GNA14: variants seen among roughly 807,000 people sequenced by gnomAD.
The protein encoded by GNA14 is guanine nucleotide-binding protein subunit alpha-14.
A neutral mutation model predicts 42.0 loss-of-function variants in GNA14; 50 were observed. The observed-to-expected ratio is 1.19, with a 90% CI of 0.95 to 1.51. The LOEUF is 1.51. GNA14 is among the 40% of genes most tolerant of loss of function. The pLI is 0.00. For synonymous variants in GNA14, 173 were observed against 163.1 expected, an observed-to-expected ratio of 1.06 and a Z score of -0.46; for missense variants, 473 against 446.2, an observed-to-expected ratio of 1.06 and a Z score of -0.54.
rs76564069 is a variant in GNA14, at chr9:77,617,475, C to T, written c.124+30195G>A. ...TCAAATCTAACCAATTTGATCAACC[C>T]CCTTCACTTTTATGCTAGTCCAAGT... On this transcript the variant is annotated intron_variant, in intron 1 of 6. Transcript: ENST00000341700. Among the ~76,000 whole-genome samples, 372 of 152,220 alleles carry T rather than the reference C, an allele frequency of 2.4e-3. 2 individuals are homozygous for T. The highest frequency in any genetic ancestry group is 8.5e-3 in the African/African-American group (353 of 41,556).
chr9:77,611,416 T>C (rs1312078977), intron 1 of GNA14, among the ~76,000 whole-genome samples: 5 of 152,230 alleles, frequency 3.3e-5, no homozygotes. Context: ...AAATCTTTTA[T>C]AGTGGGCAGT....
intron 1 of GNA14, among the ~76,000 whole-genome samples, chr9:77,546,254 G>T (rs918101137): frequency 7.0e-6 from 1 of 141,980 alleles, no homozygotes; most frequent in Non-Finnish European, 1.5e-5. Context: ...TATCTAATCC[G>T]CACTCCTTAT....
At chr9:77,600,789 T>C (rs757382928) in intron 1 of GNA14, among the ~76,000 whole-genome samples, 20 of 152,088 alleles carry the variant, frequency 1.3e-4, no homozygotes, top group Non-Finnish European at 2.1e-4. Flanking sequence ...CATGGTGGCG[T>C]GTGCTTGTAA....
chr9:77,490,136 C>T (rs549333482), intron 2 of GNA14, among the ~76,000 whole-genome samples: 1 of 152,330 alleles, frequency 6.6e-6, no homozygotes, highest in African/African-American at 2.4e-5. Flanking sequence ...GGTGTATTTA[C>T]AATCCCTGAG....
At chr9:77,555,951 A>T (rs1036661420) in intron 1 of GNA14, among the ~76,000 whole-genome samples, 5 of 152,206 alleles carry the variant, frequency 3.3e-5, no homozygotes, top group African/African-American at 1.2e-4. Context: ...ATTTATTTGA[A>T]AGCACACATA....
chr9:77,618,624 T>A (rs1220749367), intron 1 of GNA14, among the ~76,000 whole-genome samples: 47 of 27,956 alleles, frequency 1.7e-3, no homozygotes, highest in African/African-American at 7.9e-3. Context: ...ATATATATTT[T>A]TTTTTTTTTT....
rs138078576 is a variant in GNA14, at chr9:77,558,573, C to A, written c.125-29320G>T. Among the ~76,000 whole-genome samples the A allele has an allele frequency of 8.9e-3, 1,352 of 152,190 alleles. 7 individuals are homozygous for A. Among genetic ancestry groups the A allele is most frequent in the Non-Finnish European group, 0.015 (1,022 of 67,994 alleles). On this transcript the variant is annotated intron_variant, in intron 1 of 6. Coordinates refer to ENST00000341700, the MANE Select transcript of GNA14 (RefSeq NM_004297.4). ...AGGGAGATTTACGGGGCTCCCAGAT[C>A]GTACATCTAACCACAATGACAGCAA...
rs67044542 is a variant in GNA14, at chr9:77,603,956, C to CAAAAAAAAAAAAAA, written c.124+43700_124+43713dup. Among the ~76,000 whole-genome samples the CAAAAAAAAAAAAAA allele has an allele frequency of 7.0e-3, 569 of 81,614 alleles. 1 individual carries two copies. Among genetic ancestry groups the CAAAAAAAAAAAAAA allele is most frequent in the Admixed American group, 7.8e-3 (42 of 5,408 alleles). 53.5% of individuals were successfully genotyped at this position (81,614 alleles called of 152,430 possible). On this transcript the variant is annotated intron_variant, in intron 1 of 6. Transcript: ENST00000341700. The stretch of plus-strand genomic sequence containing the variant: ...AAGACTCCATCTCAAAAAAAAAAAA[C>CAAAAAAAAAAAAAA]AAAAAAAAAAAAAAAAAAAAAAAAA...
chr9:77,532,204 T>C (rs1587820144), intron 1 of GNA14, among the ~76,000 whole-genome samples: 1 of 152,202 alleles, frequency 6.6e-6, no homozygotes, highest in African/African-American at 2.4e-5. Flanking sequence ...TGTCGTGGCC[T>C]GGGTCCAAAT....
rs1382364487 is a variant in GNA14, at chr9:77,473,151, T to G, written c.310-38629A>C. On this transcript the variant is annotated intron_variant, in intron 2 of 6. Coordinates refer to ENST00000341700, the MANE Select transcript of GNA14 (RefSeq NM_004297.4). ...GTACAATGAAAACTACAAACAATTGTTGGAAGAAATTAAAGAAGACTGTGC... is the reference window on the plus strand; with the variant it reads ...GTACAATGAAAACTACAAACAATTGGTGGAAGAAATTAAAGAAGACTGTGC... 3.9e-5 allele frequency among the ~76,000 whole-genome samples: 6 copies of G among 151,980 alleles called. 1 individual carries two copies. Among genetic ancestry groups the G allele is most frequent in the African/African-American group, 1.5e-4 (6 of 41,364 alleles).
chr9:77,550,453 T>A (rs1388980081), intron 1 of GNA14, among the ~76,000 whole-genome samples: 1 of 152,202 alleles, frequency 6.6e-6, no homozygotes, highest in Non-Finnish European at 1.5e-5. Flanking sequence ...AAGATTCCTC[T>A]GAGTTAGCCA....
intron 1 of GNA14, among the ~76,000 whole-genome samples, chr9:77,640,346 G>A (rs1224474799): frequency 6.6e-6 from 1 of 152,054 alleles, no homozygotes; most frequent in Non-Finnish European, 1.5e-5. Flanking sequence ...ATAATTCACT[G>A]AAAATCCCTC....
intron 1 of GNA14, among the ~76,000 whole-genome samples, chr9:77,543,227 C>T (rs1474498197): frequency 6.6e-6 from 1 of 152,182 alleles, no homozygotes; most frequent in Non-Finnish European, 1.5e-5. Flanking sequence ...AGGCTGGTGC[C>T]CACTGTGGGC....
chr9:77,530,244 T>A (rs2131769063), intron 1 of GNA14, among the ~76,000 whole-genome samples: 1 of 152,296 alleles, frequency 6.6e-6, no homozygotes, highest in African/African-American at 2.4e-5. Context: ...CTCACCTTGG[T>A]GCTGTTCTCA....
chr9:77,562,523 A>T lies in GNA14; in HGVS notation c.125-33270T>A, dbSNP rs147324221. ...CTGATCCAGTAATCTATGTGATGAA[A>T]AAGGGAGGCTGATTCAGTAATCTAT... On this transcript the variant is annotated intron_variant, in intron 1 of 6. Transcript: ENST00000341700. 5.3e-3 allele frequency among the ~76,000 whole-genome samples: 812 copies of T among 152,246 alleles called. 6 individuals carry two copies. The highest frequency in any genetic ancestry group is 0.018 in the African/African-American group (766 of 41,540).
intron 2 of GNA14, among the ~76,000 whole-genome samples, chr9:77,469,226 G>A (rs922172587): frequency 1.3e-4 from 20 of 152,058 alleles, no homozygotes; most frequent in African/African-American, 4.8e-4. Flanking sequence ...TCCAGACTTA[G>A]CATGTGCCCT....
intron 1 of GNA14, among the ~76,000 whole-genome samples, chr9:77,599,215 G>A (rs773319966): frequency 1.3e-5 from 2 of 152,284 alleles, no homozygotes; most frequent in African/African-American, 4.8e-5. Context: ...TACTCTAGAC[G>A]ATGATGACAA....
intron 1 of GNA14, among the ~76,000 whole-genome samples, chr9:77,603,497 C>G (rs1388882359): frequency 6.6e-6 from 1 of 152,106 alleles, no homozygotes; most frequent in African/African-American, 2.4e-5. Context: ...TCTTTCTACT[C>G]TACATAGAAA....
intron 2 of GNA14, among the ~76,000 whole-genome samples, chr9:77,459,496 T>C (rs947253815): frequency 4.0e-5 from 6 of 151,848 alleles, no homozygotes; most frequent in African/African-American, 1.5e-4. Flanking sequence ...ACCCAGGATG[T>C]CTCTTTGCAA....
Sources: gnomAD v4.1 joint callset for allele counts (sites outside exome capture counted in the v4.1 genomes callset) on GRCh38, gnomAD v4.1.1 for gene constraint, MANE v1.5 for transcripts, NCBI Gene and HGNC (gene_info 2026-07-23, HGNC 2026-07-21) for gene names.